Variants in FANCB observed in about 807,000 individuals in gnomAD.
FANCB encodes Fanconi anemia group B protein.
FANCB carries 5 observed loss-of-function variants against 38.9 expected under a neutral mutation model. The observed-to-expected ratio is 0.13, with a 90% CI of 0.07 to 0.27. The LOEUF (loss-of-function observed/expected upper bound fraction) is 0.27. Among genes scored for constraint, FANCB ranks in the 10% least tolerant of loss-of-function variants. The pLI, the probability that FANCB is intolerant of heterozygous loss-of-function variation, is 1.00. For synonymous variants in FANCB, 236 were observed against 215.4 expected, an observed-to-expected ratio of 1.10 and a Z score of -0.84; for missense variants, 573 against 602.7, an observed-to-expected ratio of 0.95 and a Z score of 0.52.
At chrX:14,841,309 T>C (rs1470483805), downstream of FANCB, among the ~76,000 whole-genome samples, 4 of 111,919 alleles carry the variant, frequency 3.6e-5, no homozygotes, top group East Asian at 1.1e-3. Context: ...TTTCTGATAT[T>C]GTCCAAGTTT....
chrX:14,796,126 C>T, the FANCB span, among the ~76,000 whole-genome samples: 1 of 111,355 alleles, frequency 9.0e-6, no homozygotes, highest in East Asian at 2.8e-4. Flanking sequence ...CCAATTGCCA[C>T]AAAACTTGGT....
chrX:14,783,338 T>TAAATGG, the FANCB span, among the ~76,000 whole-genome samples: 1 of 111,599 alleles, frequency 9.0e-6, no homozygotes, highest in Non-Finnish European at 1.9e-5. Context: ...CCCAGCAGTT[T>TAAATGG]AAATGGAAAT....
chrX:14,713,245 C>A, the FANCB span, among the ~76,000 whole-genome samples: 1 of 111,805 alleles, frequency 8.9e-6, no homozygotes, highest in African/African-American at 3.2e-5. Context: ...ATCACCTGAC[C>A]CCTCCAGTCT....
At chrX:14,856,578 A>C (rs1331440353) in intron 5 of FANCB, among the ~76,000 whole-genome samples, 1 of 111,932 alleles carries the variant, frequency 8.9e-6, no homozygotes, top group Non-Finnish European at 1.9e-5. Context: ...GCATTTATTA[A>C]AGTGAACTCA....
the FANCB span, among the ~76,000 whole-genome samples, chrX:14,695,140 C>T: frequency 9.6e-6 from 1 of 104,271 alleles, no homozygotes; most frequent in East Asian, 2.8e-4. Flanking sequence ...AGTGAGATTA[C>T]ACATTGAGAT....
the FANCB span, among the ~76,000 whole-genome samples, chrX:14,809,177 A>T: frequency 6.2e-5 from 7 of 112,454 alleles, no homozygotes; most frequent in Non-Finnish European, 1.1e-4. Context: ...GAAATAGAAA[A>T]AACAATATGA....
At chrX:14,787,288 G>C in the FANCB span, among the ~76,000 whole-genome samples, 2 of 110,489 alleles carry the variant, frequency 1.8e-5, no homozygotes, top group African/African-American at 6.6e-5. Flanking sequence ...GCCAGGCACA[G>C]AAAGACAACT....
intron 3 of FANCB, among the ~76,000 whole-genome samples, chrX:14,862,940 T>C (rs2092453394): frequency 8.9e-6 from 1 of 112,159 alleles, no homozygotes; most frequent in African/African-American, 3.2e-5. Context: ...CCCCTACCAT[T>C]TCTTTAAAGG....
the FANCB span, among the ~76,000 whole-genome samples, chrX:14,740,377 C>T: frequency 9.0e-6 from 1 of 111,187 alleles, no homozygotes. Flanking sequence ...ACTACATGAT[C>T]TCCCATCATG....
the FANCB span, among the ~76,000 whole-genome samples, chrX:14,692,189 T>C: frequency 8.9e-6 from 1 of 112,346 alleles, no homozygotes; most frequent in Admixed American, 9.4e-5. Context: ...AGGAACATTT[T>C]GTCCTGCCAT....
the FANCB span, among the ~76,000 whole-genome samples, chrX:14,744,113 C>T: frequency 2.7e-5 from 3 of 111,752 alleles, no homozygotes; most frequent in African/African-American, 9.8e-5. Flanking sequence ...TATAGATTCC[C>T]TGGCCCTAGT....
the FANCB span, among the ~76,000 whole-genome samples, chrX:14,809,583 A>G: frequency 1.8e-5 from 2 of 112,143 alleles, no homozygotes; most frequent in African/African-American, 3.2e-5. Flanking sequence ...GAATGCTAGC[A>G]CAGCAGTCTG....
At chrX:14,756,346 T>C in the FANCB span, among the ~76,000 whole-genome samples, 1 of 111,497 alleles carries the variant, frequency 9.0e-6, no homozygotes, top group Non-Finnish European at 1.9e-5. Flanking sequence ...CTAAAAAGCA[T>C]CTCCACAGCA....
At chrX:14,702,286 C>G in the FANCB span, among the ~76,000 whole-genome samples, 1 of 111,793 alleles carries the variant, frequency 8.9e-6, no homozygotes, top group Non-Finnish European at 1.9e-5. Flanking sequence ...CAGATTGGAA[C>G]TGTGGAAACA....
At chrX:14,851,186 T>A (rs1285746246) in intron 6 of FANCB, among the ~76,000 whole-genome samples, 1 of 112,073 alleles carries the variant, frequency 8.9e-6, no homozygotes, top group Non-Finnish European at 1.9e-5. Context: ...AGAGTAGTAA[T>A]AAGAATAATA....
At position 14,865,477 on chromosome X, in the gene FANCB, G is replaced by C; in HGVS notation, c.34C>G (p.Gln12Glu). 1 of 1,206,072 alleles carries C rather than the reference G, an allele frequency of 8.3e-7. No homozygotes were observed. The highest frequency in any genetic ancestry group is 1.1e-6 in the Non-Finnish European group (1 of 892,351). Residue 12 changes from glutamine to glutamate, a missense_variant, in exon 3 of 10, where the codon CAA becomes GAA. Gln to Glu is a conservative substitution (Grantham distance 29). Coordinates refer to ENST00000650831, the MANE Select transcript of FANCB (RefSeq NM_001018113.3). Reference sequence around the variant, plus strand: ...CCATTATAACACAAGAGCCTTTCTTGTTCGTTAGATGACATTGCTTGTTTG... The same window carrying C: ...CCATTATAACACAAGAGCCTTTCTTCTTCGTTAGATGACATTGCTTGTTTG... ...TSKQAMSSNEQERLLCYNGEV... is the reference protein window; with the variant it reads ...TSKQAMSSNEEERLLCYNGEV...
the FANCB span, among the ~76,000 whole-genome samples, chrX:14,776,683 T>C: frequency 8.9e-6 from 1 of 112,082 alleles, no homozygotes; most frequent in African/African-American, 3.2e-5. Context: ...TGAGGGAAAA[T>C]CTTGACTGCT....
the FANCB span, among the ~76,000 whole-genome samples, chrX:14,808,271 G>T: frequency 2.7e-5 from 3 of 111,343 alleles, no homozygotes; most frequent in African/African-American, 9.8e-5. Flanking sequence ...AAAGAAAACT[G>T]CAGGCCAATA....
chrX:14,774,826 T>TTTTA, the FANCB span, among the ~76,000 whole-genome samples: 13,891 of 109,432 alleles, frequency 0.13, 1,693 homozygotes, highest in African/African-American at 0.35. Context: ...ACTCTGTTAT[T>TTTTA]TTTATTTATT....
Sources: gnomAD v4.1 joint callset for allele counts (sites outside exome capture counted in the v4.1 genomes callset) on GRCh38, gnomAD v4.1.1 for gene constraint, MANE v1.5 for transcripts, NCBI Gene and HGNC (gene_info 2026-07-23, HGNC 2026-07-21) for gene names.